GPT2: variants seen among roughly 807,000 people sequenced by gnomAD.
GPT2 encodes glutamic--pyruvic transaminase 2.
Under a neutral mutation model 56.9 loss-of-function variants are expected in GPT2, and 30 were observed. That is an observed-to-expected ratio of 0.53 (90% confidence interval 0.39 to 0.72). GPT2 has a LOEUF of 0.72. GPT2 is among the 30% of genes least tolerant of loss of function. GPT2 has a pLI of 0.00. For synonymous variants in GPT2, 271 were observed against 283.1 expected, an observed-to-expected ratio of 0.96 and a Z score of 0.43; for missense variants, 542 against 703.4, an observed-to-expected ratio of 0.77 and a Z score of 2.60.
At chr16:46,910,020 T>C (rs1961015379) in intron 6 of GPT2, 93 bp downstream of exon 6, 2 of 1,433,946 alleles carry the variant, frequency 1.4e-6, no homozygotes, top group Non-Finnish European at 9.4e-7. Flanking sequence ...TTGGAGGGTC[T>C]CTCTGCCCCT....
chr16:46,922,141 G>GGT lies in GPT2; in HGVS notation c.1038-98_1038-97dup, dbSNP rs1346251417. The GGT allele has an allele frequency of 1.9e-5, 21 of 1,085,936 alleles. No homozygotes were observed. In the Admixed American group the frequency reaches 4.6e-4, roughly 24 times the overall value. 67.3% of individuals were successfully genotyped at this position (1,085,936 alleles called of 1,614,324 possible). A position where few individuals can be genotyped will look rare whatever the true frequency, so the allele number is the denominator to read the frequency against. ...AGAACTCAGCCACACCTGGCCATTT[G>GGT]GTGTTGGGTGTGGGAATGCTTTCGA... On this transcript the variant is annotated intron_variant, in intron 8 of 11. Transcript: ENST00000340124.
At chr16:46,903,869 C>T (rs1483367040) in intron 4 of GPT2, among the ~76,000 whole-genome samples, 1 of 152,156 alleles carries the variant, frequency 6.6e-6, no homozygotes. Context: ...TGTGTAATCA[C>T]TAGTTCTCAT....
intron 2 of GPT2, among the ~76,000 whole-genome samples, chr16:46,886,504 C>T (rs1366986539): frequency 6.6e-6 from 1 of 152,164 alleles, no homozygotes; most frequent in East Asian, 1.9e-4. Context: ...AGTCCCCTTC[C>T]CCGGATTCTT....
At chr16:46,906,679 G>T (rs567780613) in intron 4 of GPT2, among the ~76,000 whole-genome samples, 163 bp from the exon 5 acceptor site, 1 of 152,272 alleles carries the variant, frequency 6.6e-6, no homozygotes, top group East Asian at 1.9e-4. Flanking sequence ...GCCAAGACAG[G>T]TGGTTAAGCA....
intron 3 of GPT2, among the ~76,000 whole-genome samples, chr16:46,899,589 C>T (rs1239076970): frequency 2.0e-5 from 3 of 152,174 alleles, no homozygotes; most frequent in Admixed American, 1.3e-4. Flanking sequence ...AGCAGGCCAG[C>T]AGCCCTGGAT....
Position 46,920,383 on chromosome 16 carries a change from C to G in GPT2, c.1037+1626C>G, listed in dbSNP as rs376812255. 9.9e-5 allele frequency among the ~76,000 whole-genome samples: 15 copies of G among 152,244 alleles called. No individual in the cohort carries two copies. The East Asian group carries it at 2.9e-3, about 29-fold the overall frequency. On this transcript the variant is annotated intron_variant, in intron 8 of 11. Coordinates refer to ENST00000340124, the MANE Select transcript of GPT2 (RefSeq NM_133443.4). ...TGGGTGGTTTAAGTTTGGGAGATGT[C>G]CGGGTGTGAATTGTAAGATTGTTGG...
At chr16:46,895,584 G>A (rs772747257) in intron 2 of GPT2, among the ~76,000 whole-genome samples, 22 of 151,776 alleles carry the variant, frequency 1.4e-4, no homozygotes, top group Admixed American at 7.2e-4. Flanking sequence ...GAGTAGTGAC[G>A]TAATCATAGC....
intron 8 of GPT2, among the ~76,000 whole-genome samples, chr16:46,919,081 A>G (rs1961229483): frequency 6.6e-6 from 1 of 152,218 alleles, no homozygotes; most frequent in African/African-American, 2.4e-5. Flanking sequence ...GAGGGCAGAT[A>G]GAGCAGACAA....
intron 2 of GPT2, among the ~76,000 whole-genome samples, chr16:46,892,624 C>T (rs888369887): frequency 2.0e-5 from 3 of 152,174 alleles, no homozygotes; most frequent in Non-Finnish European, 4.4e-5. Flanking sequence ...ACCATGCTAA[C>T]AAGTATGAGA....
intron 4 of GPT2, among the ~76,000 whole-genome samples, chr16:46,901,364 C>T (rs1960813855): frequency 6.6e-6 from 1 of 152,192 alleles, no homozygotes; most frequent in Non-Finnish European, 1.5e-5. Flanking sequence ...CCAATGTCTG[C>T]ATCCTGACGT....
At chr16:46,913,599 A>T (rs1014957227) in intron 6 of GPT2, among the ~76,000 whole-genome samples, 1 of 152,240 alleles carries the variant, frequency 6.6e-6, no homozygotes, top group Non-Finnish European at 1.5e-5. Context: ...AGCTAGTTCA[A>T]GATAGAAATT....
At chr16:46,924,051 T>G in intron 9 of GPT2, 1 of 377,954 alleles carries the variant, frequency 2.6e-6, no homozygotes, top group Non-Finnish European at 5.1e-6. Flanking sequence ...CCTCCCAGGG[T>G]GAGCGCTGTG....
chr16:46,904,156 C>T (rs919033852), intron 4 of GPT2, among the ~76,000 whole-genome samples: 4 of 152,198 alleles, frequency 2.6e-5, no homozygotes, highest in South Asian at 2.1e-4. Flanking sequence ...CAAGGTGCTC[C>T]GAGAGAAATG....
Position 46,897,420 on chromosome 16 carries a change from G to C in GPT2, c.244-228G>C, listed in dbSNP as rs531187641. 3.9e-5 allele frequency among the ~76,000 whole-genome samples: 6 copies of C among 152,216 alleles called. No individual in the cohort carries two copies. The South Asian group carries it at 1.2e-3, about 32-fold the overall frequency. ...TTGAGGAAGTTTCTACCCTTTAAGAGCCTTGATTTCCTCATCTGTCAAATG... is the reference window on the plus strand; with the variant it reads ...TTGAGGAAGTTTCTACCCTTTAAGACCCTTGATTTCCTCATCTGTCAAATG... On this transcript the variant is annotated intron_variant, in intron 2 of 11. Transcript: ENST00000340124.
intron 9 of GPT2, 28 bp downstream of exon 9, chr16:46,922,444 C>A: frequency 6.4e-7 from 1 of 1,571,392 alleles, no homozygotes; most frequent in South Asian, 1.2e-5. Flanking sequence ...CGTCTGCACC[C>A]CTGTGGCCGG....
chr16:46,896,331 A>C (rs1960685138), intron 2 of GPT2, among the ~76,000 whole-genome samples: 1 of 150,906 alleles, frequency 6.6e-6, no homozygotes, highest in Non-Finnish European at 1.5e-5. Context: ...TCCTTCTGTC[A>C]CCTCCCCAGT....
At chr16:46,928,144 G>A (rs1392231604) in intron 11 of GPT2, among the ~76,000 whole-genome samples, 2 of 151,710 alleles carry the variant, frequency 1.3e-5, no homozygotes, top group African/African-American at 4.8e-5. Flanking sequence ...GGGCAACATA[G>A]CAAGACCCTG....
rs768952544 is a variant in GPT2, at chr16:46,906,885, T to C, written c.486T>C (p.Asp162=). ...AGGGTGTCAACTGCATCCGTGAAGATGTGGCTGCCTACATCACCAGGAGGG... is the reference window on the plus strand; with the variant it reads ...AGGGTGTCAACTGCATCCGTGAAGACGTGGCTGCCTACATCACCAGGAGGG... ...ASQGVNCIRE[D]VAAYITRRDG... Residue 162 remains aspartate, a synonymous_variant, in exon 5 of 12, where the codon GAT becomes GAC. Coordinates refer to ENST00000340124, the MANE Select transcript of GPT2 (RefSeq NM_133443.4). The C allele has an allele frequency of 4.3e-6, 7 of 1,614,238 alleles. No homozygotes were observed. Among genetic ancestry groups the C allele is most frequent in the Non-Finnish European group, 5.9e-6 (7 of 1,180,038 alleles).
Position 46,916,686 on chromosome 16 carries a change from G to A in GPT2, c.879G>A (p.Lys293=). Residue 293 remains lysine, a synonymous_variant, in exon 7 of 12, where the codon AAG becomes AAA. Transcript: ENST00000340124. Reference sequence around the variant, plus strand: ...TGATCCACTTTGCCTGGGAAGAGAAGCTCTTTCTCCTGGCTGATGAGGTAA... The same window carrying A: ...TGATCCACTTTGCCTGGGAAGAGAAACTCTTTCTCCTGGCTGATGAGGTAA... ...EDVIHFAWEE[K]LFLLADEVYQ... is the part of the protein sequence containing the mutation. 1.2e-6 allele frequency: 2 copies of A among 1,612,830 alleles called. No individual in the cohort carries two copies. The highest frequency in any genetic ancestry group is 1.7e-6 in the Non-Finnish European group (2 of 1,178,816).
Sources: gnomAD v4.1 joint callset for allele counts (sites outside exome capture counted in the v4.1 genomes callset) on GRCh38, gnomAD v4.1.1 for gene constraint, MANE v1.5 for transcripts, NCBI Gene and HGNC (gene_info 2026-07-23, HGNC 2026-07-21) for gene names.